Variants in TAFA5 observed in about 807,000 individuals in gnomAD.
The protein encoded by TAFA5 is chemokine-like protein TAFA-5.
A neutral mutation model predicts 15.3 loss-of-function variants in TAFA5; 6 were observed. That is an observed-to-expected ratio of 0.39 (90% CI 0.21 to 0.77). The LOEUF is 0.77. Ranked by LOEUF, TAFA5 falls within the 30% of genes least tolerant of loss-of-function variation. The pLI is 0.41. For missense variants in TAFA5, 161 were observed against 193.1 expected (o/e 0.83, Z 0.98); for synonymous variants, 103 against 80.7 (o/e 1.28, Z -1.48).
rs536697404 is a variant in TAFA5 at position 48,508,484 on chromosome 22, G to A, written c.112+18780G>A. On this transcript the variant is annotated intron_variant, in intron 1 of 3. Coordinates refer to ENST00000402357, the MANE Select transcript of TAFA5 (RefSeq NM_001082967.3). Reference sequence around the variant, plus strand: ...ATGAACGGCGCCATATGAGGAGGAGGAGAGAAGGCGGTGGGCGCCCTGAGG... The same window carrying A: ...ATGAACGGCGCCATATGAGGAGGAGAAGAGAAGGCGGTGGGCGCCCTGAGG... Among the ~76,000 whole-genome samples the A allele has an allele frequency of 2.6e-5, 4 of 152,274 alleles. No individual in the cohort carries two copies. The South Asian group carries it at 8.3e-4, about 32-fold the overall frequency.
chr22:48,502,058 G>A (rs1920955319), intron 1 of TAFA5, among the ~76,000 whole-genome samples: 1 of 152,258 alleles, frequency 6.6e-6, no homozygotes, highest in African/African-American at 2.4e-5. Context: ...CTGCCAGCCT[G>A]TGGCCCACCC....
intron 2 of TAFA5, among the ~76,000 whole-genome samples, chr22:48,659,556 G>A (rs1297970487): frequency 3.9e-5 from 6 of 152,354 alleles, no homozygotes; most frequent in African/African-American, 7.2e-5. Flanking sequence ...GAGCCCTTCC[G>A]GGAGGAGGCG....
At chr22:48,701,053 A>G (rs1928889739) in intron 2 of TAFA5, among the ~76,000 whole-genome samples, 1 of 152,022 alleles carries the variant, frequency 6.6e-6, no homozygotes, top group Admixed American at 6.5e-5. Context: ...AGCTGTGGAG[A>G]GGCCCGCAGC....
intron 2 of TAFA5, among the ~76,000 whole-genome samples, chr22:48,647,930 G>A (rs1926923239): frequency 6.6e-6 from 1 of 152,192 alleles, no homozygotes; most frequent in South Asian, 2.1e-4. Context: ...ATCCCTGAGT[G>A]ACAGGCGTAG....
chr22:48,693,315 T>A, intron 2 of TAFA5: 1 of 1,610,462 alleles, frequency 6.2e-7, no homozygotes, highest in Non-Finnish European at 8.5e-7. Context: ...AGAGAGTAAT[T>A]GAAAGGAAGA....
intron 1 of TAFA5, among the ~76,000 whole-genome samples, chr22:48,573,625 G>T (rs559580790): frequency 5.3e-5 from 8 of 152,312 alleles, no homozygotes. Context: ...GGAAGCCTTG[G>T]TGCCCGGAGA....
At position 48,560,926 on chromosome 22, in the gene TAFA5, A is replaced by G. The variant is rs1320189359; in HGVS notation, c.112+71222A>G. Among the ~76,000 whole-genome samples the G allele has an allele frequency of 6.6e-6, 1 of 152,124 alleles. No individual in the cohort carries two copies. Among genetic ancestry groups the G allele is most frequent in the African/African-American group, 2.4e-5 (1 of 41,412 alleles). ...CGCCTGGCCTCACAGTTGTCTTTAA[A>G]GTGGCTTTTGTTTGGCTCCTGTGTG... is the stretch of plus-strand genomic sequence containing the variant. On this transcript the variant is annotated intron_variant, in intron 1 of 3. Transcript: ENST00000402357. The surrounding 1 kb of genome is among the most constrained non-coding windows in gnomAD (Gnocchi z 4.2).
At chr22:48,642,601 C>G (rs1926722676) in intron 1 of TAFA5, among the ~76,000 whole-genome samples, 1 of 152,172 alleles carries the variant, frequency 6.6e-6, no homozygotes, top group South Asian at 2.1e-4. Context: ...CCCCAAAGGC[C>G]TCACAGTGGG....
chr22:48,733,582 G>C (rs748938397), intron 3 of TAFA5, among the ~76,000 whole-genome samples: 7 of 152,236 alleles, frequency 4.6e-5, no homozygotes. Context: ...AGGTGCTTCA[G>C]AAACTCTAGA....
chr22:48,500,467 C>T (rs139406127), intron 1 of TAFA5, among the ~76,000 whole-genome samples: 3 of 152,344 alleles, frequency 2.0e-5, no homozygotes, highest in East Asian at 3.9e-4. Context: ...TGAGCTTGCA[C>T]AGACGGGTGA....
intron 2 of TAFA5, among the ~76,000 whole-genome samples, chr22:48,664,455 T>C (rs1369324011): frequency 2.6e-5 from 4 of 152,344 alleles, no homozygotes; most frequent in Admixed American, 6.5e-5. Flanking sequence ...AGACATATTC[T>C]GAAGAGATTG....
At chr22:48,676,297 G>A (rs1413662204) in intron 2 of TAFA5, among the ~76,000 whole-genome samples, 1 of 152,254 alleles carries the variant, frequency 6.6e-6, no homozygotes, top group Admixed American at 6.5e-5. Flanking sequence ...ACAGGTGGGA[G>A]GACACCTTCT....
chr22:48,619,843 C>T (rs1028680350), intron 1 of TAFA5, among the ~76,000 whole-genome samples: 3 of 152,238 alleles, frequency 2.0e-5, no homozygotes, highest in Non-Finnish European at 4.4e-5. Context: ...CCTCGTTGCT[C>T]TGGGCCCTGG....
intron 2 of TAFA5, among the ~76,000 whole-genome samples, chr22:48,691,045 A>G (rs892768897): frequency 6.6e-6 from 1 of 152,116 alleles, no homozygotes; most frequent in African/African-American, 2.4e-5. Context: ...CCAGTGGTCA[A>G]GGAGACCCGC....
At position 48,605,474 on chromosome 22, in the gene TAFA5, TTGG is replaced by T. The variant is rs976071728; in HGVS notation, c.113-41116_113-41114del. Among the ~76,000 whole-genome samples the T allele has an allele frequency of 3.4e-4, 32 of 92,860 alleles. 1 individual carries two copies. Among genetic ancestry groups the T allele is most frequent in the African/African-American group, 1.2e-3 (30 of 24,192 alleles). 60.9% of individuals were successfully genotyped at this position (92,860 alleles called of 152,430 possible). A position where few individuals can be genotyped will look rare whatever the true frequency, so the allele number is the denominator to read the frequency against. The stretch of plus-strand genomic sequence containing the variant: ...GGCAATGGTGATGGTAATGATGATG[TTGG>T]TGGTGGCAGGGATGGTGATGGTAAT... On this transcript the variant is annotated intron_variant, in intron 1 of 3. Transcript: ENST00000402357.
intron 1 of TAFA5, among the ~76,000 whole-genome samples, chr22:48,536,324 G>A (rs1277404217): frequency 6.6e-6 from 1 of 152,204 alleles, no homozygotes. Flanking sequence ...CTTTCCTCTC[G>A]GCAAGCCGGG....
At chr22:48,734,569 G>C (rs922223503) in intron 3 of TAFA5, among the ~76,000 whole-genome samples, 4 of 152,262 alleles carry the variant, frequency 2.6e-5, no homozygotes, top group African/African-American at 9.6e-5. Context: ...CTTTGGGGCG[G>C]CCTGCCTGGC....
At chr22:48,704,681 A>T (rs132230) in intron 2 of TAFA5, among the ~76,000 whole-genome samples, 1 of 151,130 alleles carries the variant, frequency 6.6e-6, no homozygotes, top group Admixed American at 6.6e-5. Context: ...TTTTTCTCGG[A>T]GGGAGACACT....
intron 2 of TAFA5, among the ~76,000 whole-genome samples, chr22:48,678,282 G>A (rs1045743152): frequency 1.3e-5 from 2 of 152,236 alleles, no homozygotes; most frequent in Non-Finnish European, 2.9e-5. Flanking sequence ...CTGTGCAGCT[G>A]ATGTTCTGGG....
Sources: allele counts gnomAD v4.1 joint callset (sites outside exome capture counted in the v4.1 genomes callset), GRCh38; gene constraint gnomAD v4.1.1; non-coding constraint Gnocchi (gnomAD v3.1); transcripts MANE v1.5; gene names NCBI Gene and HGNC (gene_info 2026-07-23, HGNC 2026-07-21).